SRP54: variants seen among roughly 807,000 people sequenced by gnomAD.
SRP54 encodes signal recognition particle 54, also known as signal recognition particle subunit SRP54.
SRP54 carries 10 observed loss-of-function variants against 64.8 expected under a neutral mutation model. That is an observed-to-expected ratio of 0.15 (90% confidence interval 0.10 to 0.26). The LOEUF (loss-of-function observed/expected upper bound fraction) is 0.26. Ranked by LOEUF, SRP54 falls within the 10% of genes least tolerant of loss-of-function variation. The probability of loss-of-function intolerance (pLI) is 1.00; values close to 1 mark genes in which losing one functional copy is unlikely to be tolerated. For missense variants in SRP54, 325 were observed against 613.7 expected, an observed-to-expected ratio of 0.53 and a Z score of 4.97; for synonymous variants, 193 against 185.6, an observed-to-expected ratio of 1.04 and a Z score of -0.32.
chr14:34,996,297 C>T (rs1389847335), intron 1 of SRP54, among the ~76,000 whole-genome samples: 1 of 151,994 alleles, frequency 6.6e-6, no homozygotes, highest in Middle Eastern at 3.4e-3. Context: ...AGGCAGTATT[C>T]CTGGAGATTT....
chr14:34,998,846 T>C (rs1329805179), intron 2 of SRP54, among the ~76,000 whole-genome samples: 1 of 151,142 alleles, frequency 6.6e-6, no homozygotes, highest in African/African-American at 2.4e-5. Flanking sequence ...AAAGCAAATA[T>C]TGTAACTATA....
In SRP54 at chr14:35,018,692, G is replaced by A. The variant is rs755358034; in HGVS notation, c.974G>A (p.Gly325Asp). Residue 325 changes from glycine (G) to aspartate (D), a missense_variant and splice_region_variant, in exon 12 of 16, where the codon GGT becomes GAT. Physicochemically the swap from Gly to Asp is moderately conservative, Grantham distance 94. Around this residue, in one of 3 missense-constraint regions of SRP54, gnomAD observed 146 missense variants for 337.4 expected, o/e 0.43. Transcript: ENST00000216774. The stretch of plus-strand genomic sequence containing the variant: ...CCGAATTATTTACATTGTATTTCAG[G>A]TCAGTTTACGTTGCGAGACATGTAT... ...NEALIEKLKH[G>D]QFTLRDMYEQ... 1 of 1,610,852 alleles carries A rather than the reference G, an allele frequency of 6.2e-7. No individual in the cohort carries two copies. The highest frequency in any genetic ancestry group is 1.7e-5 in the Admixed American group (1 of 59,504).
At chr14:34,985,386 C>T (rs1030860295) in intron 1 of SRP54, among the ~76,000 whole-genome samples, 2 of 152,216 alleles carry the variant, frequency 1.3e-5, no homozygotes, top group Non-Finnish European at 2.9e-5. Flanking sequence ...GCATCACTAG[C>T]CATCTGGTTA....
At chr14:34,988,713 G>T (rs4375577) in intron 1 of SRP54, among the ~76,000 whole-genome samples, 2 of 150,368 alleles carry the variant, frequency 1.3e-5, no homozygotes, top group Non-Finnish European at 1.5e-5. Flanking sequence ...GCAGAATTAA[G>T]AAAAATATTT....
chr14:35,022,463 T>G (rs1417782204), intron 13 of SRP54, among the ~76,000 whole-genome samples: 1 of 152,126 alleles, frequency 6.6e-6, no homozygotes, highest in African/African-American at 2.4e-5. Context: ...TTCAAGCGAT[T>G]CTTCTGCCTC....
At chr14:34,985,335 C>G (rs1462091147) in intron 1 of SRP54, among the ~76,000 whole-genome samples, 2 of 152,198 alleles carry the variant, frequency 1.3e-5, no homozygotes, top group Non-Finnish European at 2.9e-5. Flanking sequence ...CTCTGACTTT[C>G]AAACCACCTT....
rs2044410910 is a variant in SRP54 at position 35,014,737 on chromosome 14, C to CT, written c.887-5dup. The CT allele has an allele frequency of 6.2e-7, 1 of 1,609,778 alleles. No homozygotes were observed. Among genetic ancestry groups the CT allele is most frequent in the Admixed American group, 1.7e-5 (1 of 59,230 alleles). ...AGTTGTTAATTTTTCTTTTTTGTATCTTATAGGTATGGGCGACATTGAAGG... is the reference window on the plus strand; with the variant it reads ...AGTTGTTAATTTTTCTTTTTTGTATCTTTATAGGTATGGGCGACATTGAAGG... On this transcript the variant is annotated splice_region_variant and splice_polypyrimidine_tract_variant and intron_variant, in intron 10 of 15. Coordinates refer to ENST00000216774, the MANE Select transcript of SRP54 (RefSeq NM_003136.4).
At position 35,004,242 on chromosome 14, in the gene SRP54, T is replaced by TC. The variant is rs2044223567; in HGVS notation, c.256-3039dup. 8.5e-5 allele frequency among the ~76,000 whole-genome samples: 13 copies of TC among 152,226 alleles called. No homozygotes were observed. In the South Asian group the frequency reaches 2.7e-3, roughly 32 times the overall value. ...CCAGCCTAGGCCACGAGAGCGAAAC[T>TC]CCATCTAAAATAAAAATAAAAAGGA... is the stretch of plus-strand genomic sequence containing the variant. On this transcript the variant is annotated intron_variant, in intron 4 of 15. Coordinates refer to ENST00000216774, the MANE Select transcript of SRP54 (RefSeq NM_003136.4).
At chr14:34,991,136 G>A (rs879338783) in intron 1 of SRP54, among the ~76,000 whole-genome samples, 1 of 108,726 alleles carries the variant, frequency 9.2e-6, no homozygotes, top group African/African-American at 3.3e-5. Flanking sequence ...TTTTGTTGTT[G>A]TTGTTGTTGT....
At chr14:35,003,443 G>T (rs2044208404) in intron 4 of SRP54, among the ~76,000 whole-genome samples, 1 of 151,904 alleles carries the variant, frequency 6.6e-6, no homozygotes, top group South Asian at 2.1e-4. Context: ...GGCGTGATCA[G>T]AGCTCACTGC....
chr14:35,025,934 T>A (rs960391034), intron 14 of SRP54, among the ~76,000 whole-genome samples: 3 of 151,816 alleles, frequency 2.0e-5, no homozygotes, highest in African/African-American at 7.3e-5. Flanking sequence ...CTCATACTTG[T>A]AATCCCAGCA....
Position 35,029,341 on chromosome 14 carries a change from G to GGA in SRP54, c.*192_*193dup, listed in dbSNP as rs141413442. On this transcript the variant is annotated 3_prime_UTR_variant, in exon 16 of 16. Coordinates refer to ENST00000216774, the MANE Select transcript of SRP54 (RefSeq NM_003136.4). ...CCTTCTTTCCTCCCTTTAATATAAGGGAGAAATACATGGTTTTTGTGGAAA... is the reference window on the plus strand; with the variant it reads ...CCTTCTTTCCTCCCTTTAATATAAGGGAGAGAAATACATGGTTTTTGTGGAAA... 79 of 442,310 alleles carry GGA rather than the reference G, an allele frequency of 1.8e-4. No individual in the cohort carries two copies. Among genetic ancestry groups the GGA allele is most frequent in the African/African-American group, 1.5e-3 (74 of 48,970 alleles). The allele number at this position is 442,310 out of a possible 1,614,324, so 27.4% of individuals were successfully genotyped here.
At chr14:35,003,068 T>TC (rs2044203135) in intron 4 of SRP54, among the ~76,000 whole-genome samples, 1 of 152,086 alleles carries the variant, frequency 6.6e-6, no homozygotes, top group African/African-American at 2.4e-5. Flanking sequence ...TGTTAGGGGC[T>TC]CGTAACTGTA....
chr14:35,019,361 C>G (rs2044490648), intron 13 of SRP54: 1 of 212,656 alleles, frequency 4.7e-6, no homozygotes, highest in Admixed American at 5.2e-5. Flanking sequence ...AACTCTGAGT[C>G]AAATGTGGTG....
At chr14:35,023,721 T>C (rs926336473) in intron 14 of SRP54, among the ~76,000 whole-genome samples, 2 of 150,730 alleles carry the variant, frequency 1.3e-5, no homozygotes, top group African/African-American at 4.9e-5. Flanking sequence ...GAGGCGGAGC[T>C]TGCAGTGAGC....
chr14:35,008,862 T>C lies in SRP54; in HGVS notation c.485+31T>C, dbSNP rs373569690. ...TTACTGTTTTTTATTTTAACACTTATATCCCTCTTCTTGTCTGTCAGCTTT... is the reference window on the plus strand; with the variant it reads ...TTACTGTTTTTTATTTTAACACTTACATCCCTCTTCTTGTCTGTCAGCTTT... On this transcript the variant is annotated intron_variant, in intron 7 of 15. Transcript: ENST00000216774. The C allele has an allele frequency of 2.5e-5, 35 of 1,399,852 alleles. No individual in the cohort carries two copies. In the African/African-American group the frequency reaches 3.9e-4, roughly 16 times the overall value. 86.7% of individuals were successfully genotyped at this position (1,399,852 alleles called of 1,614,324 possible). A position where few individuals can be genotyped will look rare whatever the true frequency, so the allele number is the denominator to read the frequency against.
intron 10 of SRP54, among the ~76,000 whole-genome samples, 162 bp from the exon 11 acceptor site, chr14:35,014,582 G>T (rs1375942602): frequency 6.6e-6 from 1 of 152,084 alleles, no homozygotes; most frequent in African/African-American, 2.4e-5. Flanking sequence ...TCCTGGCCAT[G>T]CCACTTAACT....
chr14:34,988,578 A>AAAAAAAAAAAAT (rs1384552218), intron 1 of SRP54, among the ~76,000 whole-genome samples: 1 of 47,102 alleles, frequency 2.1e-5, no homozygotes, highest in African/African-American at 6.7e-5. Context: ...AAAAAAAAAA[A>AAAAAAAAAAAAT]ATATATATAT....
rs2043833709 is a variant in SRP54, at chr14:34,983,215, GGTAA to G, written c.-34+3_-34+6del. ...CCACGGCTTTAGCGGTGTCTTTTGC[GGTAA>G]GTGTCTGCTTTTTCCCGCCCCAGAC... is the stretch of plus-strand genomic sequence containing the variant. On this transcript the variant is annotated splice_donor_variant and splice_donor_region_variant and intron_variant, in intron 1 of 15. Coordinates refer to ENST00000216774, the MANE Select transcript of SRP54 (RefSeq NM_003136.4). LOFTEE classifies it low-confidence loss of function (5UTR_SPLICE). 1 of 152,296 alleles carries G rather than the reference GGTAA, an allele frequency of 6.6e-6. No homozygotes were observed. The highest frequency in any genetic ancestry group is 6.5e-5 in the Admixed American group (1 of 15,286). The allele number at this position is 152,296 out of a possible 1,614,324, so 9.4% of individuals were successfully genotyped here. A position where few individuals can be genotyped will look rare whatever the true frequency, so the allele number is the denominator to read the frequency against.
Sources: gnomAD v4.1 joint callset for allele counts (sites outside exome capture counted in the v4.1 genomes callset) on GRCh38, gnomAD v4.1.1 for gene constraint, gnomAD v4.1.1 regional missense constraint, MANE v1.5 for transcripts, NCBI Gene and HGNC (gene_info 2026-07-23, HGNC 2026-07-21) for gene names.